Variants in IL1RAPL1 observed in about 807,000 individuals in gnomAD.
IL1RAPL1 encodes interleukin-1 receptor accessory protein-like 1.
A neutral mutation model predicts 48.4 loss-of-function variants in IL1RAPL1; 3 were observed. The ratio of observed to expected loss-of-function variants is 0.06; its 90% CI spans 0.03 to 0.16. The LOEUF (loss-of-function observed/expected upper bound fraction) is 0.16. Among genes scored for constraint, IL1RAPL1 ranks in the 10% least tolerant of loss-of-function variants. The pLI is 1.00. For synonymous variants in IL1RAPL1, 185 were observed against 187.7 expected, an observed-to-expected ratio of 0.99 and a Z score of 0.12; for missense variants, 349 against 530.6, an observed-to-expected ratio of 0.66 and a Z score of 3.36.
chrX:29,883,925 T>C (rs189993573), intron 6 of IL1RAPL1, among the ~76,000 whole-genome samples: 1,134 of 112,194 alleles, frequency 0.01, 11 homozygotes, highest in Middle Eastern at 0.037. Flanking sequence ...TCTGCAACTA[T>C]GATGAGATTG....
At chrX:29,344,093 G>A (rs946655482) in intron 3 of IL1RAPL1, among the ~76,000 whole-genome samples, 6 of 112,179 alleles carry the variant, frequency 5.3e-5, no homozygotes, top group African/African-American at 1.3e-4. Context: ...TTATGTTTTC[G>A]TTATTCAATA....
intron 3 of IL1RAPL1, among the ~76,000 whole-genome samples, chrX:29,375,046 T>C (rs1199974473): frequency 1.8e-5 from 2 of 108,740 alleles, no homozygotes; most frequent in Admixed American, 2.0e-4. Context: ...TCATATCAAA[T>C]GGTAAAGCAG....
At chrX:29,470,855 A>G (rs1934913126) in intron 5 of IL1RAPL1, among the ~76,000 whole-genome samples, 1 of 110,025 alleles carries the variant, frequency 9.1e-6, no homozygotes. Flanking sequence ...CTGGTTTTGA[A>G]CTCCTGGCCT....
At chrX:28,845,378 G>A (rs191679674) in intron 2 of IL1RAPL1, among the ~76,000 whole-genome samples, 51 of 110,014 alleles carry the variant, frequency 4.6e-4, no homozygotes, top group Admixed American at 3.3e-3. Context: ...TTAATTGTAC[G>A]TATTAAAAAA....
At chrX:29,295,231 T>A (rs1932432183) in intron 3 of IL1RAPL1, among the ~76,000 whole-genome samples, 1 of 112,137 alleles carries the variant, frequency 8.9e-6, no homozygotes, top group Non-Finnish European at 1.9e-5. Context: ...GAGGCCTATC[T>A]TAATGCTTTT....
chrX:29,523,003 T>C (rs948849418), intron 5 of IL1RAPL1, among the ~76,000 whole-genome samples: 1 of 111,504 alleles, frequency 9.0e-6, no homozygotes, highest in Non-Finnish European at 1.9e-5. Context: ...AACACCCCTT[T>C]CTTGTGTTTA....
chrX:29,474,834 G>A (rs7065568), intron 5 of IL1RAPL1, among the ~76,000 whole-genome samples: 11,121 of 110,944 alleles, frequency 0.1, 915 homozygotes, highest in African/African-American at 0.28. Context: ...TCAACATGAG[G>A]TTTGGAGGGA....
chrX:29,608,838 T>C (rs1405092413), intron 5 of IL1RAPL1, among the ~76,000 whole-genome samples: 1 of 110,108 alleles, frequency 9.1e-6, no homozygotes, highest in Non-Finnish European at 1.9e-5. Flanking sequence ...AAAAATAAAA[T>C]AAAATAAAAT....
intron 2 of IL1RAPL1, among the ~76,000 whole-genome samples, chrX:29,173,951 A>G (rs1352572132): frequency 9.2e-6 from 1 of 108,553 alleles, no homozygotes; most frequent in South Asian, 4.0e-4. Flanking sequence ...ACGGAGTTTC[A>G]CTCTTGTTGC....
chrX:29,666,302 T>C (rs1422605066), intron 5 of IL1RAPL1, among the ~76,000 whole-genome samples: 2 of 110,300 alleles, frequency 1.8e-5, no homozygotes, highest in Non-Finnish European at 3.8e-5. Flanking sequence ...GAAATACTGA[T>C]GTATAAGGTA....
intron 2 of IL1RAPL1, among the ~76,000 whole-genome samples, chrX:29,232,263 A>G (rs1051329398): frequency 8.9e-6 from 1 of 111,898 alleles, no homozygotes; most frequent in Non-Finnish European, 1.9e-5. Context: ...ACATGGATAC[A>G]GAGATGATAA....
intron 2 of IL1RAPL1, among the ~76,000 whole-genome samples, chrX:28,971,465 A>G (rs1925069130): frequency 8.9e-6 from 1 of 111,964 alleles, no homozygotes; most frequent in African/African-American, 3.2e-5. Context: ...CTAGCAGATA[A>G]TCTATAAATC....
At chrX:29,866,368 T>C (rs1931695783) in intron 6 of IL1RAPL1, among the ~76,000 whole-genome samples, 1 of 111,058 alleles carries the variant, frequency 9.0e-6, no homozygotes, top group Non-Finnish European at 1.9e-5. Flanking sequence ...CACCAGAAAG[T>C]ACGTAGTAGA....
At chrX:29,320,725 C>T (rs964096498) in intron 3 of IL1RAPL1, among the ~76,000 whole-genome samples, 30 of 109,377 alleles carry the variant, frequency 2.7e-4, no homozygotes, top group Non-Finnish European at 5.3e-4. Flanking sequence ...GAGATCATGC[C>T]GCTGCACTCC....
intron 1 of IL1RAPL1, among the ~76,000 whole-genome samples, chrX:28,679,679 T>G (rs1935035844): frequency 8.9e-6 from 1 of 112,182 alleles, no homozygotes; most frequent in South Asian, 3.6e-4. Context: ...TGCACATAGA[T>G]ATCCAGTTTT....
intron 2 of IL1RAPL1, among the ~76,000 whole-genome samples, chrX:29,146,779 A>T (rs773105912): frequency 3.6e-5 from 4 of 112,215 alleles, no homozygotes; most frequent in African/African-American, 1.3e-4. Context: ...AAAAGAGTGA[A>T]ATCTGGGCTG....
intron 5 of IL1RAPL1, among the ~76,000 whole-genome samples, chrX:29,433,763 T>C (rs1934448276): frequency 9.0e-6 from 1 of 111,481 alleles, no homozygotes; most frequent in South Asian, 3.6e-4. Flanking sequence ...ATTGAGTTTT[T>C]AAGTAAGCAT....
intron 2 of IL1RAPL1, among the ~76,000 whole-genome samples, chrX:28,879,200 A>G (rs1922447602): frequency 8.9e-6 from 1 of 111,732 alleles, no homozygotes; most frequent in Admixed American, 9.6e-5. Context: ...AAATCTAAAA[A>G]TCAGAAATGA....
At chrX:29,216,171 G>A (rs757561987) in intron 2 of IL1RAPL1, among the ~76,000 whole-genome samples, 11 of 110,667 alleles carry the variant, frequency 9.9e-5, no homozygotes, top group Non-Finnish European at 1.9e-4. Context: ...TGTTGTTATT[G>A]TTGTTGTTGT....
Sources: gnomAD v4.1 joint callset for allele counts (sites outside exome capture counted in the v4.1 genomes callset) on GRCh38, gnomAD v4.1.1 for gene constraint, MANE v1.5 for transcripts, NCBI Gene and HGNC (gene_info 2026-07-23, HGNC 2026-07-21) for gene names.